Variants in CLOCK observed in about 807,000 individuals in gnomAD.
CLOCK encodes the protein clock circadian regulator.
CLOCK carries 43 observed loss-of-function variants against 118.4 expected under a neutral mutation model. The observed-to-expected ratio is 0.36, with a 90% CI of 0.28 to 0.47. CLOCK has a LOEUF of 0.47. CLOCK is among the 20% of genes least tolerant of loss of function. The probability of loss-of-function intolerance (pLI) is 1.00; values close to 1 mark genes in which losing one functional copy is unlikely to be tolerated. For missense variants in CLOCK, 846 were observed against 999.9 expected, an observed-to-expected ratio of 0.85 and a Z score of 2.08; for synonymous variants, 326 against 339.2, an observed-to-expected ratio of 0.96 and a Z score of 0.43.
intron 4 of CLOCK, among the ~76,000 whole-genome samples, chr4:55,481,352 C>A (rs1047619149): frequency 2.0e-5 from 3 of 152,040 alleles, no homozygotes; most frequent in African/African-American, 7.3e-5. Context: ...AGATAAGGAA[C>A]CCATATTAAT....
chr4:55,507,388 G>A (rs1728881711), intron 2 of CLOCK, among the ~76,000 whole-genome samples: 1 of 151,986 alleles, frequency 6.6e-6, no homozygotes, highest in Non-Finnish European at 1.5e-5. Context: ...TGAGGTTGGG[G>A]GAACACCTGA....
At chr4:55,528,451 G>C (rs921237303) in intron 1 of CLOCK, among the ~76,000 whole-genome samples, 29 of 152,100 alleles carry the variant, frequency 1.9e-4, no homozygotes, top group African/African-American at 6.0e-4. Flanking sequence ...AACCTGGGGA[G>C]TGAATGAGAT....
At chr4:55,546,067 TCCCCGGAGGAGCTGGCCG>T (rs935983008) in intron 1 of CLOCK, 4 of 152,250 alleles carry the variant, frequency 2.6e-5, no homozygotes, top group African/African-American at 7.2e-5. Flanking sequence ...GGGCGGGGGT[TCCCCGGAGGAGCTGGCCG>T]CCCCGGCGCC....
intron 3 of CLOCK, among the ~76,000 whole-genome samples, chr4:55,487,487 A>T (rs573489690): frequency 4.6e-4 from 70 of 152,260 alleles, no homozygotes; most frequent in African/African-American, 1.6e-3. Flanking sequence ...CTCTTGCCTG[A>T]AGAGTATAAA....
chr4:55,513,083 C>G (rs1057412868), intron 1 of CLOCK, among the ~76,000 whole-genome samples: 1 of 152,096 alleles, frequency 6.6e-6, no homozygotes, highest in African/African-American at 2.4e-5. Context: ...CCCTAATGTC[C>G]TAAGCCTTCA....
intron 1 of CLOCK, among the ~76,000 whole-genome samples, chr4:55,533,376 T>C (rs1730678002): frequency 1.3e-5 from 2 of 152,028 alleles, no homozygotes; most frequent in South Asian, 4.1e-4. Context: ...GAAAAAACAG[T>C]CTCTACAACA....
chr4:55,443,538 A>AT, intron 20 of CLOCK, 149 bp downstream of exon 20: 1 of 687,364 alleles, frequency 1.5e-6, no homozygotes, highest in Admixed American at 2.5e-5. Context: ...TGCACAAAAT[A>AT]TTTTAATAAT....
chr4:55,506,867 A>G (rs1402527930), intron 2 of CLOCK, among the ~76,000 whole-genome samples: 1 of 152,116 alleles, frequency 6.6e-6, no homozygotes, highest in Non-Finnish European at 1.5e-5. Context: ...GGTCTATAGT[A>G]TATACATTTT....
At chr4:55,481,077 C>T (rs1287285067) in intron 4 of CLOCK, among the ~76,000 whole-genome samples, 1 of 151,894 alleles carries the variant, frequency 6.6e-6, no homozygotes, top group Non-Finnish European at 1.5e-5. Context: ...CTAACTCAAC[C>T]CTAGGAGCAA....
At chr4:55,540,096 C>G (rs1731166080) in intron 1 of CLOCK, among the ~76,000 whole-genome samples, 1 of 151,486 alleles carries the variant, frequency 6.6e-6, no homozygotes, top group African/African-American at 2.4e-5. Context: ...CAACCTCTGC[C>G]TCCTGGGTTC....
chr4:55,441,670 A>T (rs1723379729), intron 21 of CLOCK, among the ~76,000 whole-genome samples: 1 of 152,196 alleles, frequency 6.6e-6, no homozygotes, highest in Non-Finnish European at 1.5e-5. Context: ...TGTAAGTGGG[A>T]GCTAAGCTAT....
intron 1 of CLOCK, among the ~76,000 whole-genome samples, chr4:55,511,796 ATTTT>A: frequency 6.6e-6 from 1 of 152,012 alleles, no homozygotes; most frequent in East Asian, 1.9e-4. Flanking sequence ...CACCACATTC[ATTTT>A]TTTATTACCT....
At chr4:55,521,367 C>A (rs748646202) in intron 1 of CLOCK, among the ~76,000 whole-genome samples, 1 of 152,154 alleles carries the variant, frequency 6.6e-6, no homozygotes, top group East Asian at 1.9e-4. Context: ...TACAGGCATG[C>A]GCCATCACGC....
At chr4:55,519,195 G>A (rs1264356757) in intron 1 of CLOCK, among the ~76,000 whole-genome samples, 1 of 152,080 alleles carries the variant, frequency 6.6e-6, no homozygotes, top group Non-Finnish European at 1.5e-5. Context: ...AGAACTACAG[G>A]CACAAACCAC....
chr4:55,448,722 G>T, intron 18 of CLOCK, 57 bp downstream of exon 18: 1 of 1,353,206 alleles, frequency 7.4e-7, no homozygotes. Context: ...AATTACATTA[G>T]CTTAAAAGCA....
At chr4:55,531,613 G>C (rs11732078) in intron 1 of CLOCK, among the ~76,000 whole-genome samples, 5,082 of 145,462 alleles carry the variant, frequency 0.035, 104 homozygotes, top group Non-Finnish European at 0.054. Flanking sequence ...GCTGAGGCAG[G>C]AGAATCGCTT....
At chr4:55,537,838 G>T (rs1731004634) in intron 1 of CLOCK, among the ~76,000 whole-genome samples, 1 of 152,040 alleles carries the variant, frequency 6.6e-6, no homozygotes, top group Non-Finnish European at 1.5e-5. Flanking sequence ...TTTATAGCAT[G>T]CTTACATTAG....
At position 55,429,416 on chromosome 4, in the gene CLOCK, A is replaced by G. The variant is rs1047354; in HGVS notation, c.*5999T>C. 0.34 allele frequency: 51,338 copies of G among 151,974 alleles called. 9,376 individuals carry two copies. The highest frequency in any genetic ancestry group is 0.58 in the East Asian group (3,000 of 5,142). 9.4% of individuals were successfully genotyped at this position (151,974 alleles called of 1,614,324 possible). On this transcript the variant is annotated 3_prime_UTR_variant, in exon 23 of 23. Transcript: ENST00000513440. ...ATGCTTGTGAGCAAGAAGGATCCTC[A>G]AATGTCTAGGTTTCCAATATTCCAA... is the stretch of plus-strand genomic sequence containing the variant.
chr4:55,434,389 A>C lies in CLOCK; in HGVS notation c.*1026T>G, dbSNP rs1028910713. 6.6e-6 allele frequency: 1 copy of C among 152,670 alleles called. No homozygotes were observed. Among genetic ancestry groups the C allele is most frequent in the African/African-American group, 2.4e-5 (1 of 41,476 alleles). 9.5% of individuals were successfully genotyped at this position (152,670 alleles called of 1,614,324 possible). A position where few individuals can be genotyped will look rare whatever the true frequency, so the allele number is the denominator to read the frequency against. On this transcript the variant is annotated 3_prime_UTR_variant, in exon 23 of 23. Coordinates refer to ENST00000513440, the MANE Select transcript of CLOCK (RefSeq NM_004898.4). Reference sequence around the variant, plus strand: ...CAAATTTTACCTCTATAACTGAAACATTCTTGAAATTACTTTCAGGCTTGT... The same window carrying C: ...CAAATTTTACCTCTATAACTGAAACCTTCTTGAAATTACTTTCAGGCTTGT...
Sources: allele counts gnomAD v4.1 joint callset (sites outside exome capture counted in the v4.1 genomes callset), GRCh38; gene constraint gnomAD v4.1.1; transcripts MANE v1.5; gene names NCBI Gene and HGNC (gene_info 2026-07-23, HGNC 2026-07-21).